IGSF21: variants seen among roughly 807,000 people sequenced by gnomAD.
IGSF21 encodes immunoglobin superfamily member 21, also known as immunoglobulin superfamily member 21.
A neutral mutation model predicts 46.8 loss-of-function variants in IGSF21; 28 were observed. The observed-to-expected ratio is 0.60, with a 90% confidence interval of 0.44 to 0.82. The LOEUF is 0.82. IGSF21 is among the 40% of genes least tolerant of loss of function. The probability of loss-of-function intolerance (pLI) is 0.00; values close to 1 mark genes in which losing one functional copy is unlikely to be tolerated. For synonymous variants in IGSF21, 284 were observed against 273.6 expected (o/e 1.04, Z -0.38); for missense variants, 624 against 665.5 (o/e 0.94, Z 0.69).
At chr1:18,111,429 T>A (rs11261045) in intron 1 of IGSF21, 23,666 of 152,208 alleles carry the variant, frequency 0.16, 2,109 homozygotes, top group East Asian at 0.2. Flanking sequence ...TCTTTTTCTT[T>A]TAAGTAGGAA....
At chr1:18,281,849 G>T (rs527925083) in intron 2 of IGSF21, among the ~76,000 whole-genome samples, 5 of 152,144 alleles carry the variant, frequency 3.3e-5, no homozygotes, top group Non-Finnish European at 5.9e-5. Flanking sequence ...AGTATCTCAG[G>T]TGCTGCAGCT....
At chr1:18,264,724 C>T (rs1036319390) in intron 2 of IGSF21, among the ~76,000 whole-genome samples, 2 of 152,178 alleles carry the variant, frequency 1.3e-5, no homozygotes, top group African/African-American at 2.4e-5. Context: ...TGACCTAAAC[C>T]TCTGTTCTTC....
chr1:18,136,900 T>G (rs1218906521), intron 1 of IGSF21, among the ~76,000 whole-genome samples: 1 of 152,240 alleles, frequency 6.6e-6, no homozygotes, highest in Non-Finnish European at 1.5e-5. Flanking sequence ...CATGGAATGT[T>G]CTTCCATTTG....
Position 18,319,903 on chromosome 1 carries a change from T to A in IGSF21, c.306-14989T>A, listed in dbSNP as rs553431967. Among the ~76,000 whole-genome samples the A allele has an allele frequency of 7.2e-5, 11 of 152,358 alleles. No individual in the cohort carries two copies. The East Asian group carries it at 1.4e-3, about 19-fold the overall frequency. On this transcript the variant is annotated intron_variant, in intron 3 of 9. Coordinates refer to ENST00000251296, the MANE Select transcript of IGSF21 (RefSeq NM_032880.5). ...CAAAGGTTACTTTGTTTACCGTCTG[T>A]GTCCCTCAACTAAAATACGAGTTCT...
intron 1 of IGSF21, among the ~76,000 whole-genome samples, chr1:18,173,956 G>A (rs560336059): frequency 6.6e-5 from 10 of 152,286 alleles, no homozygotes; most frequent in East Asian, 3.9e-4. Flanking sequence ...GTTTCACCAC[G>A]TTGGCCAGGC....
At chr1:18,264,487 T>C (rs2084973650) in intron 2 of IGSF21, among the ~76,000 whole-genome samples, 1 of 152,170 alleles carries the variant, frequency 6.6e-6, no homozygotes, top group Non-Finnish European at 1.5e-5. Flanking sequence ...GCCTTAGTTT[T>C]TCCAGCAGTG....
chr1:18,162,203 A>ATTTTTT (rs1342805642), intron 1 of IGSF21, among the ~76,000 whole-genome samples: 1 of 151,846 alleles, frequency 6.6e-6, no homozygotes, highest in Non-Finnish European at 1.5e-5. Flanking sequence ...GTGCCACCAC[A>ATTTTTT]TGTGCCTGTA....
rs551741213 is a variant in IGSF21 at position 18,285,288 on chromosome 1, C to T, written c.184-6578C>T. Among the ~76,000 whole-genome samples, 39 of 151,972 alleles carry T rather than the reference C, an allele frequency of 2.6e-4. No individual in the cohort carries two copies. In the South Asian group the frequency reaches 6.9e-3, roughly 27 times the overall value. ...TGTTTTTCAAATTAAACAGCCAGGC[C>T]GGTCAGCGGGCTCTCACACTGCTGG... On this transcript the variant is annotated intron_variant, in intron 2 of 9. Coordinates refer to ENST00000251296, the MANE Select transcript of IGSF21 (RefSeq NM_032880.5).
intron 2 of IGSF21, among the ~76,000 whole-genome samples, chr1:18,287,025 C>T (rs929792818): frequency 6.6e-6 from 1 of 151,084 alleles, no homozygotes; most frequent in Non-Finnish European, 1.5e-5. Flanking sequence ...ACTAAAAATA[C>T]AAAAAATTAG....
chr1:18,220,043 T>C (rs116620544), intron 1 of IGSF21, among the ~76,000 whole-genome samples: 1 of 152,154 alleles, frequency 6.6e-6, no homozygotes, highest in African/African-American at 2.4e-5. Flanking sequence ...CTTGCAGCCC[T>C]GAGTCTGCTG....
intron 2 of IGSF21, among the ~76,000 whole-genome samples, chr1:18,278,207 C>CATTA (rs1001813804): frequency 2.0e-5 from 1 of 48,930 alleles, no homozygotes; most frequent in Non-Finnish European, 3.3e-5. Flanking sequence ...TGGCTGCATT[C>CATTA]ATTTATTTAT....
intron 1 of IGSF21, among the ~76,000 whole-genome samples, chr1:18,137,398 A>T (rs1231960717): frequency 6.6e-6 from 1 of 152,140 alleles, no homozygotes; most frequent in Non-Finnish European, 1.5e-5. Flanking sequence ...CATCCACCTG[A>T]TCCCCCTGAT....
chr1:18,178,264 AATT>A (rs1167382613), intron 1 of IGSF21, among the ~76,000 whole-genome samples: 1 of 152,162 alleles, frequency 6.6e-6, no homozygotes, highest in Non-Finnish European at 1.5e-5. Flanking sequence ...TTATCCCCTT[AATT>A]ATTCTTTACA....
At chr1:18,158,360 G>A (rs537645322) in intron 1 of IGSF21, among the ~76,000 whole-genome samples, 4 of 152,342 alleles carry the variant, frequency 2.6e-5, no homozygotes, top group South Asian at 2.1e-4. Context: ...AATCAGCGAG[G>A]TAAGAGGCAT....
chr1:18,378,328 G>A lies in IGSF21; in HGVS notation c.*2G>A, dbSNP rs376013002. The A allele has an allele frequency of 8.1e-6, 13 of 1,610,868 alleles. No homozygotes were observed. Among genetic ancestry groups the A allele is most frequent in the Non-Finnish European group, 1.1e-5 (13 of 1,178,126 alleles). On this transcript the variant is annotated 3_prime_UTR_variant, in exon 10 of 10. Coordinates refer to ENST00000251296, the MANE Select transcript of IGSF21 (RefSeq NM_032880.5). ...ACAGTGATTCTGGAGCTGACGTGAA[G>A]GCACCCGCCCCGGCCACTCCATCAG...
chr1:18,349,688 G>A (rs1229112589), intron 4 of IGSF21, among the ~76,000 whole-genome samples: 1 of 152,158 alleles, frequency 6.6e-6, no homozygotes, highest in Non-Finnish European at 1.5e-5. Context: ...GCAGGTGCCA[G>A]GTGTGGGTCT....
At chr1:18,197,291 C>A (rs1375689904) in intron 1 of IGSF21, among the ~76,000 whole-genome samples, 1 of 152,148 alleles carries the variant, frequency 6.6e-6, no homozygotes, top group Non-Finnish European at 1.5e-5. Flanking sequence ...CCCCAGATGG[C>A]AAGCCTGTGG....
At chr1:18,345,880 C>T (rs1303217727) in intron 4 of IGSF21, among the ~76,000 whole-genome samples, 2 of 152,200 alleles carry the variant, frequency 1.3e-5, no homozygotes, top group Admixed American at 6.5e-5. Flanking sequence ...GCCTGCCAAG[C>T]GCAGGGACCC....
chr1:18,147,572 T>C (rs916272369), intron 1 of IGSF21, among the ~76,000 whole-genome samples: 1 of 152,108 alleles, frequency 6.6e-6, no homozygotes, highest in Non-Finnish European at 1.5e-5. Context: ...ATCTGAGCCA[T>C]CTGTCAGGAC....
Sources: gnomAD v4.1 joint callset for allele counts (sites outside exome capture counted in the v4.1 genomes callset) on GRCh38, gnomAD v4.1.1 for gene constraint, MANE v1.5 for transcripts, NCBI Gene and HGNC (gene_info 2026-07-23, HGNC 2026-07-21) for gene names.